The following WDR33 variants were observed in gnomAD, a reference collection of about 807,000 sequenced individuals.
WDR33 encodes the protein WD repeat domain 33.
WDR33 carries 47 observed loss-of-function variants against 164.9 expected under a neutral mutation model. That is an observed-to-expected ratio of 0.29 (90% CI 0.23 to 0.36). The LOEUF is 0.36. Ranked by LOEUF, WDR33 falls within the 10% of genes least tolerant of loss-of-function variation. The pLI is 1.00. For synonymous variants in WDR33, 505 were observed against 589.0 expected, an observed-to-expected ratio of 0.86 and a Z score of 2.06; for missense variants, 1,137 against 1,754.1, an observed-to-expected ratio of 0.65 and a Z score of 6.28.
At chr2:127,807,464 T>C (rs1689481056) in intron 1 of WDR33, among the ~76,000 whole-genome samples, 1 of 152,116 alleles carries the variant, frequency 6.6e-6, no homozygotes, top group African/African-American at 2.4e-5. Context: ...ATCATCCCAC[T>C]CAAGGATCTG....
intron 7 of WDR33, among the ~76,000 whole-genome samples, chr2:127,760,236 A>C (rs1687638252): frequency 6.6e-6 from 1 of 152,238 alleles, no homozygotes; most frequent in Non-Finnish European, 1.5e-5. Flanking sequence ...GTATGATCAC[A>C]AACTCCCCTT....
At chr2:127,762,824 G>A (rs935738729) in intron 7 of WDR33, 3 of 1,318,798 alleles carry the variant, frequency 2.3e-6, no homozygotes, top group South Asian at 1.7e-5. Context: ...CAAGTAAGGG[G>A]GAGGCACTCT....
At position 127,721,011 on chromosome 2, in the gene WDR33, T is replaced by C. The variant is rs1189758948; in HGVS notation, c.1672-658A>G. On this transcript the variant is annotated intron_variant, in intron 15 of 21. Coordinates refer to ENST00000322313, the MANE Select transcript of WDR33 (RefSeq NM_018383.5). This position sits in a 1 kb window ranked among gnomAD's most constrained non-coding sequence, Gnocchi z 4.9. ...AAGGAAAAACTCTTTCATAAACAGG[T>C]GAATTCAAATTAAAACTATGTTGGC... is the stretch of plus-strand genomic sequence containing the variant. 6.6e-6 allele frequency among the ~76,000 whole-genome samples: 1 copy of C among 152,212 alleles called. No homozygotes were observed. The highest frequency in any genetic ancestry group is 1.5e-5 in the Non-Finnish European group (1 of 68,038).
At chr2:127,809,245 GAATA>G (rs1267652033) in intron 1 of WDR33, among the ~76,000 whole-genome samples, 5 of 151,874 alleles carry the variant, frequency 3.3e-5, no homozygotes, top group Admixed American at 2.6e-4. Context: ...AGAGAGCTCT[GAATA>G]AATACCTTAA....
At chr2:127,729,194 G>GTA (rs1444007123) in intron 7 of WDR33, among the ~76,000 whole-genome samples, 2 of 152,216 alleles carry the variant, frequency 1.3e-5, no homozygotes, top group Non-Finnish European at 2.9e-5. Context: ...TCTAAGCGAA[G>GTA]TATGTGTAGC....
rs1686257331 is a variant in WDR33, at chr2:127,714,682, C to T, written c.2870-661G>A. ...TTCTTTGAAGACAGTGTTTGGAATC[C>T]CACTAAAGTTTTCTAAAATATGTGA... On this transcript the variant is annotated intron_variant, in intron 17 of 21. Coordinates refer to ENST00000322313, the MANE Select transcript of WDR33 (RefSeq NM_018383.5). This position sits in a 1 kb window ranked among gnomAD's most constrained non-coding sequence, Gnocchi z 4.3. Among the ~76,000 whole-genome samples the T allele has an allele frequency of 6.6e-6, 1 of 152,152 alleles. No individual in the cohort carries two copies. The highest frequency in any genetic ancestry group is 6.5e-5 in the Admixed American group (1 of 15,272).
At position 127,763,573 on chromosome 2, in the gene WDR33, G is replaced by A; in HGVS notation, c.627-414C>T. ...AAAATTATCATCAGCTTCTGCCTCA[G>A]ACACTTCATGAAATAAGCTGAAACA... is the stretch of plus-strand genomic sequence containing the variant. On this transcript the variant is annotated intron_variant, in intron 6 of 21. Coordinates refer to ENST00000322313, the MANE Select transcript of WDR33 (RefSeq NM_018383.5). The surrounding 1 kb of genome is among the most constrained non-coding windows in gnomAD (Gnocchi z 4.5). 9 of 1,006,326 alleles carry A rather than the reference G, an allele frequency of 8.9e-6. No homozygotes were observed. The highest frequency in any genetic ancestry group is 3.5e-5 in the African/African-American group (2 of 57,760). The allele number at this position is 1,006,326 out of a possible 1,614,324, so 62.3% of individuals were successfully genotyped here.
chr2:127,779,428 T>G (rs1688296669), intron 1 of WDR33, among the ~76,000 whole-genome samples: 1 of 152,018 alleles, frequency 6.6e-6, no homozygotes, highest in African/African-American at 2.4e-5. Context: ...ATCACGACAC[T>G]GCACTCTAGC....
At position 127,702,197 on chromosome 2, in the gene WDR33, TG is replaced by T; in HGVS notation, c.*4125del. On this transcript the variant is annotated 3_prime_UTR_variant, in exon 22 of 22. Transcript: ENST00000322313. The stretch of plus-strand genomic sequence containing the variant: ...TGTGAGGACCTCGCGCCCTCGCCGC[TG>T]GGGAAGTACGCGGAGCCAGCGCCGT... 8.2e-7 allele frequency: 1 copy of T among 1,213,404 alleles called. No individual in the cohort carries two copies. Among genetic ancestry groups the T allele is most frequent in the Non-Finnish European group, 1.0e-6 (1 of 973,580 alleles). 75.2% of individuals were successfully genotyped at this position (1,213,404 alleles called of 1,614,324 possible). A position where few individuals can be genotyped will look rare whatever the true frequency, so the allele number is the denominator to read the frequency against.
rs745566203 is a variant in WDR33 at position 127,724,451 on chromosome 2, A to G, written c.1086-8T>C. On this transcript the variant is annotated splice_polypyrimidine_tract_variant and splice_region_variant and intron_variant, in intron 10 of 21. Transcript: ENST00000322313. The surrounding 1 kb of genome is among the most constrained non-coding windows in gnomAD (Gnocchi z 4.8). ...CCCACTTCCTTCTCTACCCTGCAAC[A>G]GCACCAAAGAGAGAAGATTTGTTCA... 4.3e-6 allele frequency: 7 copies of G among 1,609,752 alleles called. No individual in the cohort carries two copies. Among genetic ancestry groups the G allele is most frequent in the South Asian group, 3.3e-5 (3 of 90,698 alleles).
chr2:127,788,093 G>A (rs1688665564), intron 1 of WDR33, among the ~76,000 whole-genome samples: 1 of 96,642 alleles, frequency 1.0e-5, no homozygotes, highest in Non-Finnish European at 2.1e-5. Flanking sequence ...CTCCCTCCCG[G>A]ACGGGGCGGC....
intron 7 of WDR33, among the ~76,000 whole-genome samples, chr2:127,734,799 A>C (rs1686798570): frequency 6.6e-6 from 1 of 152,252 alleles, no homozygotes; most frequent in African/African-American, 2.4e-5. Context: ...AGCTTTAAAA[A>C]AACATGAATG....
intron 1 of WDR33, among the ~76,000 whole-genome samples, chr2:127,774,062 T>C (rs1423785110): frequency 6.7e-6 from 1 of 149,764 alleles, no homozygotes; most frequent in Non-Finnish European, 1.5e-5. Context: ...TTTTTTTTTT[T>C]TTTTTTTAAG....
In WDR33 at chr2:127,711,774, A is replaced by ATTTTTT. The variant is rs1382438028; in HGVS notation, c.3308+1808_3308+1809insAAAAAA. On this transcript the variant is annotated intron_variant, in intron 18 of 21. Coordinates refer to ENST00000322313, the MANE Select transcript of WDR33 (RefSeq NM_018383.5). ...CAGATATATATATATATATATATAT[A>ATTTTTT]TATATATTTTTTTTTTGAGACAGAG... is the stretch of plus-strand genomic sequence containing the variant. Among the ~76,000 whole-genome samples the ATTTTTT allele has an allele frequency of 5.2e-3, 482 of 93,282 alleles. 27 individuals are homozygous for ATTTTTT. Among genetic ancestry groups the ATTTTTT allele is most frequent in the African/African-American group, 0.019 (331 of 17,404 alleles). 61.2% of individuals were successfully genotyped at this position (93,282 alleles called of 152,430 possible).
At chr2:127,732,427 T>C (rs1278699354) in intron 7 of WDR33, among the ~76,000 whole-genome samples, 2 of 152,036 alleles carry the variant, frequency 1.3e-5, no homozygotes, top group African/African-American at 2.4e-5. Context: ...GCTCAAATAA[T>C]CCTCCTACCT....
In WDR33 at chr2:127,702,471, CTG is replaced by C. The variant is rs774065199; in HGVS notation, c.*3850_*3851del. On this transcript the variant is annotated 3_prime_UTR_variant, in exon 22 of 22. Coordinates refer to ENST00000322313, the MANE Select transcript of WDR33 (RefSeq NM_018383.5). ...TTATTAGAAGTTGCTTTCGAAGTAA[CTG>C]TGGTCTTAGGTTCGGCTGAGTAAAG... 148 of 229,434 alleles carry C rather than the reference CTG, an allele frequency of 6.5e-4. No homozygotes were observed. The highest frequency in any genetic ancestry group is 8.8e-4 in the Non-Finnish European group (96 of 109,314). 14.2% of individuals were successfully genotyped at this position (229,434 alleles called of 1,614,324 possible). A position where few individuals can be genotyped will look rare whatever the true frequency, so the allele number is the denominator to read the frequency against.
chr2:127,722,095 GATTTT>G lies in WDR33; in HGVS notation c.1519-112_1519-108del, dbSNP rs927666368. The G allele has an allele frequency of 1.2e-4, 160 of 1,292,038 alleles. No individual in the cohort carries two copies. Among genetic ancestry groups the G allele is most frequent in the South Asian group, 2.9e-4 (21 of 71,516 alleles). 80.0% of individuals were successfully genotyped at this position (1,292,038 alleles called of 1,614,324 possible). A position where few individuals can be genotyped will look rare whatever the true frequency, so the allele number is the denominator to read the frequency against. Reference sequence around the variant, plus strand: ...ATCTGCTCAATCTAACCTCTGAACCGATTTTATTTCTTTTTACCTTTTCTCCATGA... The same window carrying G: ...ATCTGCTCAATCTAACCTCTGAACCGATTTCTTTTTACCTTTTCTCCATGA... On this transcript the variant is annotated intron_variant, in intron 14 of 21. Coordinates refer to ENST00000322313, the MANE Select transcript of WDR33 (RefSeq NM_018383.5). This position sits in a 1 kb window ranked among gnomAD's most constrained non-coding sequence, Gnocchi z 5.1.
intron 7 of WDR33, chr2:127,737,193 AT>A: frequency 2.0e-6 from 2 of 985,390 alleles, no homozygotes; most frequent in Non-Finnish European, 2.4e-6. Context: ...GCAATCAAAT[AT>A]TTTTCAACCT....
In WDR33 at chr2:127,719,442, C is replaced by A. The variant is rs1294695376; in HGVS notation, c.2583G>T (p.Gln861His). 4 of 1,571,520 alleles carry A rather than the reference C, an allele frequency of 2.5e-6. No individual in the cohort carries two copies. Among genetic ancestry groups the A allele is most frequent in the East Asian group, 4.5e-5 (2 of 44,308 alleles). ...ELRGPPGSQS[Q>H]QGPPQGSLGP... ...CTAAAGAGCCCTGGGGCGGCCCCTG[C>A]TGACTTTGTGAGCCTGGAGGCCCTC... The change falls in exon 16 of 22, where the codon CAG becomes CAT. Residue 861 changes from glutamine to histidine, a missense_variant. Physicochemically the swap from Gln to His is conservative, Grantham distance 24. This residue lies in a region of WDR33 where 867 missense variants were observed against 1,073.0 expected (regional missense o/e 0.81). Coordinates refer to ENST00000322313, the MANE Select transcript of WDR33 (RefSeq NM_018383.5). This position sits in a 1 kb window ranked among gnomAD's most constrained non-coding sequence, Gnocchi z 6.5.
Sources: allele counts gnomAD v4.1 joint callset (sites outside exome capture counted in the v4.1 genomes callset), GRCh38; gene constraint gnomAD v4.1.1; regional missense constraint gnomAD v4.1.1; non-coding constraint Gnocchi (gnomAD v3.1); transcripts MANE v1.5; gene names NCBI Gene and HGNC (gene_info 2026-07-23, HGNC 2026-07-21).